Variants in MITF observed in about 807,000 individuals in gnomAD.
MITF encodes the protein microphthalmia-associated transcription factor.
In MITF, 17 loss-of-function variants were observed where a neutral mutation model predicts 60.5. The ratio of observed to expected loss-of-function variants is 0.28; its 90% CI spans 0.19 to 0.42. MITF has a LOEUF of 0.42. MITF is among the 10% of genes least tolerant of loss of function. The pLI is 1.00. For missense variants in MITF, 622 were observed against 683.5 expected (o/e 0.91, Z 1.00); for synonymous variants, 260 against 248.5 (o/e 1.05, Z -0.43).
intron 1 of MITF, among the ~76,000 whole-genome samples, chr3:69,782,449 G>A (rs2062581137): frequency 1.3e-5 from 2 of 152,170 alleles, no homozygotes; most frequent in Non-Finnish European, 2.9e-5. Context: ...TTCACAACAA[G>A]TCTATTAGTT....
chr3:69,837,009 T>A (rs566552048), intron 1 of MITF, among the ~76,000 whole-genome samples: 1 of 152,262 alleles, frequency 6.6e-6, no homozygotes, highest in East Asian at 1.9e-4. Flanking sequence ...ACGTCCCCAA[T>A]GTGGACCACT....
intron 1 of MITF, among the ~76,000 whole-genome samples, chr3:69,772,379 G>A (rs150038214): frequency 1.4e-3 from 210 of 152,296 alleles, no homozygotes; most frequent in African/African-American, 4.3e-3. Flanking sequence ...AATGGCAAAT[G>A]TTGGTTCATG....
intron 1 of MITF, among the ~76,000 whole-genome samples, chr3:69,755,840 C>G (rs1704125684): frequency 6.6e-6 from 1 of 152,098 alleles, no homozygotes; most frequent in Admixed American, 6.5e-5. Flanking sequence ...GCAGTAGATA[C>G]CAGCTGCTGC....
chr3:69,762,791 T>TCAA (rs2062230816), intron 1 of MITF: 4 of 223,962 alleles, frequency 1.8e-5, no homozygotes, highest in Non-Finnish European at 3.6e-5. Context: ...ATGTTAGAGG[T>TCAA]ACATTGGTTT....
At chr3:69,766,376 A>ATTTTTT (rs753953309) in intron 1 of MITF, among the ~76,000 whole-genome samples, 5 of 95,138 alleles carry the variant, frequency 5.3e-5, no homozygotes, top group African/African-American at 1.8e-4. Context: ...TGCCCAGCTA[A>ATTTTTT]TTTTTTTTTT....
chr3:69,753,552 G>A (rs1485505128), intron 1 of MITF, among the ~76,000 whole-genome samples: 8 of 152,206 alleles, frequency 5.3e-5, no homozygotes, highest in Non-Finnish European at 1.2e-4. Flanking sequence ...AAAGCCACAG[G>A]CAGTCAATGC....
Position 69,739,489 on chromosome 3 carries a change from G to A in MITF, c.-109G>A. On this transcript the variant is annotated 5_prime_UTR_variant, in exon 1 of 10. Transcript: ENST00000352241. ...GCGAGCCGGCGAGCGGGCAGAGCTC[G>A]GCACTGCGCCGGGGCGCACGGCTCG... 5.9e-6 allele frequency: 6 copies of A among 1,012,720 alleles called. No homozygotes were observed. The highest frequency in any genetic ancestry group is 4.3e-5 in the South Asian group (3 of 70,514). The allele number at this position is 1,012,720 out of a possible 1,614,324, so 62.7% of individuals were successfully genotyped here.
intron 1 of MITF, among the ~76,000 whole-genome samples, chr3:69,753,458 C>T (rs897207878): frequency 6.6e-6 from 1 of 152,250 alleles, no homozygotes; most frequent in Non-Finnish European, 1.5e-5. Context: ...TGGGGCATTA[C>T]CTAGTGGAGC....
chr3:69,751,737 T>C (rs1432318313), intron 1 of MITF, among the ~76,000 whole-genome samples: 3 of 152,124 alleles, frequency 2.0e-5, no homozygotes, highest in Non-Finnish European at 4.4e-5. Context: ...GGGCAAGTTA[T>C]TCTTGTGGCC....
chr3:69,758,641 G>A (rs2062166730), intron 1 of MITF: 1 of 197,966 alleles, frequency 5.1e-6, no homozygotes, highest in Non-Finnish European at 1.0e-5. Flanking sequence ...ATGGGAACAG[G>A]GAATTTGTTA....
intron 1 of MITF, among the ~76,000 whole-genome samples, chr3:69,786,853 C>T (rs2062658210): frequency 1.3e-5 from 2 of 152,178 alleles, no homozygotes; most frequent in Admixed American, 1.3e-4. Context: ...GAGATTTATT[C>T]ATTCATTTAG....
chr3:69,795,155 TTC>T (rs942044928), intron 1 of MITF, among the ~76,000 whole-genome samples: 1 of 152,190 alleles, frequency 6.6e-6, no homozygotes, highest in Non-Finnish European at 1.5e-5. Context: ...GATAGATTTA[TTC>T]TTAGTTATTT....
At chr3:69,911,206 C>T (rs569377587) in intron 2 of MITF, among the ~76,000 whole-genome samples, 20 of 152,156 alleles carry the variant, frequency 1.3e-4, no homozygotes, top group Non-Finnish European at 2.8e-4. Flanking sequence ...GTGCCTTTCA[C>T]CTCCCACCAT....
chr3:69,825,681 C>T (rs62252175), intron 1 of MITF, among the ~76,000 whole-genome samples: 2 of 152,054 alleles, frequency 1.3e-5, no homozygotes, highest in Non-Finnish European at 2.9e-5. Context: ...TATGGGCCAG[C>T]CTATGATGCG....
chr3:69,792,334 A>G (rs1454362522), intron 1 of MITF, among the ~76,000 whole-genome samples: 3 of 152,168 alleles, frequency 2.0e-5, no homozygotes, highest in Admixed American at 6.5e-5. Flanking sequence ...AAAAATAGGA[A>G]CAACAGATTC....
chr3:69,777,688 T>C (rs528730522), intron 1 of MITF, among the ~76,000 whole-genome samples: 2 of 152,220 alleles, frequency 1.3e-5, no homozygotes, highest in East Asian at 3.9e-4. Flanking sequence ...GATTATATGA[T>C]CTAGAAGGAC....
At chr3:69,819,007 A>G (rs1164752404) in intron 1 of MITF, among the ~76,000 whole-genome samples, 1 of 152,194 alleles carries the variant, frequency 6.6e-6, no homozygotes, top group Non-Finnish European at 1.5e-5. Context: ...AGTGTTCCTC[A>G]GTTCTATCTG....
chr3:69,792,223 G>T (rs1456875988), intron 1 of MITF, among the ~76,000 whole-genome samples: 1 of 152,134 alleles, frequency 6.6e-6, no homozygotes, highest in Non-Finnish European at 1.5e-5. Context: ...TAGCTGAAAG[G>T]GTCTGATAGT....
intron 1 of MITF, among the ~76,000 whole-genome samples, chr3:69,868,835 G>T (rs2064166785): frequency 6.6e-6 from 1 of 150,720 alleles, no homozygotes. Flanking sequence ...GGAGGTGGAG[G>T]TTGCAGTAAG....
Sources: allele counts gnomAD v4.1 joint callset (sites outside exome capture counted in the v4.1 genomes callset), GRCh38; gene constraint gnomAD v4.1.1; transcripts MANE v1.5; gene names NCBI Gene and HGNC (gene_info 2026-07-23, HGNC 2026-07-21).